The following PDE4B variants were observed in gnomAD, a reference collection of about 807,000 sequenced individuals.
The protein encoded by PDE4B is phosphodiesterase 4B, also known as 3',5'-cyclic-AMP phosphodiesterase 4B.
PDE4B carries 20 observed loss-of-function variants against 82.2 expected under a neutral mutation model. That is an observed-to-expected ratio of 0.24 (90% CI 0.17 to 0.35). The LOEUF (loss-of-function observed/expected upper bound fraction) is 0.35. PDE4B is among the 10% of genes least tolerant of loss of function. The probability of loss-of-function intolerance (pLI) is 1.00; values close to 1 mark genes in which losing one functional copy is unlikely to be tolerated. For missense variants in PDE4B, 655 were observed against 907.2 expected, an observed-to-expected ratio of 0.72 and a Z score of 3.57; for synonymous variants, 320 against 318.9, an observed-to-expected ratio of 1.00 and a Z score of -0.04.
At chr1:65,877,148 A>G (rs1378185007) in intron 1 of PDE4B, among the ~76,000 whole-genome samples, 2 of 152,168 alleles carry the variant, frequency 1.3e-5, no homozygotes, top group Non-Finnish European at 2.9e-5. Flanking sequence ...CTAACTTCAA[A>G]CTATACTACA....
chr1:66,038,757 G>A (rs950481914), intron 3 of PDE4B, among the ~76,000 whole-genome samples: 3 of 152,066 alleles, frequency 2.0e-5, no homozygotes, highest in African/African-American at 7.2e-5. Context: ...AGATTGTTGA[G>A]CGATTGGAAT....
intron 3 of PDE4B, among the ~76,000 whole-genome samples, chr1:66,022,778 T>C (rs1438185093): frequency 5.3e-5 from 8 of 152,120 alleles, no homozygotes; most frequent in Admixed American, 5.2e-4. Context: ...CTTTTTTTTG[T>C]TGTGTCTCTG....
At chr1:66,109,756 G>A (rs1392813) in intron 3 of PDE4B, among the ~76,000 whole-genome samples, 14,075 of 151,842 alleles carry the variant, frequency 0.093, 1,563 homozygotes, top group African/African-American at 0.26. Flanking sequence ...GATATATTGA[G>A]TATTGGTAGT....
chr1:65,960,039 A>G (rs564825386), intron 3 of PDE4B, among the ~76,000 whole-genome samples: 4 of 152,272 alleles, frequency 2.6e-5, no homozygotes, highest in African/African-American at 9.6e-5. Context: ...AGGCTATCTT[A>G]ACAAAATACA....
rs543548264 is a variant in PDE4B at position 65,884,127 on chromosome 1, T to G, written c.-70-29118T>G. Among the ~76,000 whole-genome samples the G allele has an allele frequency of 8.1e-3, 1,231 of 152,198 alleles. 15 individuals carry two copies. The highest frequency in any genetic ancestry group is 0.025 in the African/African-American group (1,039 of 41,520). ...ATTGGTCTAAAATTCTCTTTTTTGG[T>G]TGTGTCTCTGCCAGGCTTTGGTATC... On this transcript the variant is annotated intron_variant, in intron 1 of 16. Transcript: ENST00000341517.
At chr1:66,124,187 C>A (rs186241113) in intron 3 of PDE4B, among the ~76,000 whole-genome samples, 1 of 152,252 alleles carries the variant, frequency 6.6e-6, no homozygotes, top group Non-Finnish European at 1.5e-5. Flanking sequence ...TGGCATAATG[C>A]ATAAATGTAC....
At chr1:65,956,108 A>G (rs971371108) in intron 3 of PDE4B, among the ~76,000 whole-genome samples, 6 of 152,114 alleles carry the variant, frequency 3.9e-5, no homozygotes, top group Admixed American at 1.3e-4. Context: ...GGGCCATTCT[A>G]TACTGTCAGC....
intron 3 of PDE4B, among the ~76,000 whole-genome samples, chr1:66,106,689 T>G (rs895058960): frequency 1.8e-4 from 27 of 152,110 alleles, no homozygotes; most frequent in African/African-American, 6.0e-4. Context: ...GTTGAGAAAT[T>G]TATCCATTTC....
At chr1:65,818,478 G>A (rs962628475) in intron 1 of PDE4B, among the ~76,000 whole-genome samples, 1 of 151,882 alleles carries the variant, frequency 6.6e-6, no homozygotes, top group Non-Finnish European at 1.5e-5. Flanking sequence ...TTACCTGGCA[G>A]AGTAATCTAT....
intron 3 of PDE4B, among the ~76,000 whole-genome samples, chr1:66,066,143 T>C (rs1406435108): frequency 2.0e-5 from 3 of 151,668 alleles, no homozygotes; most frequent in Non-Finnish European, 4.4e-5. Context: ...TATTTAAAAA[T>C]AGAATATGTA....
chr1:66,155,133 A>G (rs1646477589), intron 3 of PDE4B, among the ~76,000 whole-genome samples: 1 of 152,140 alleles, frequency 6.6e-6, no homozygotes, highest in Non-Finnish European at 1.5e-5. Flanking sequence ...CTGTCTCTGG[A>G]AAAAAAGAAA....
chr1:66,208,163 C>T lies in PDE4B; in HGVS notation c.282-39297C>T, dbSNP rs140882767. Among the ~76,000 whole-genome samples the T allele has an allele frequency of 6.2e-3, 940 of 152,252 alleles. 10 individuals carry two copies. Among genetic ancestry groups the T allele is most frequent in the African/African-American group, 0.022 (896 of 41,546 alleles). On this transcript the variant is annotated intron_variant, in intron 3 of 16. Transcript: ENST00000341517. ...GTGTGCCTCTTTCAATATTTCCTGTCCTTTTCGCCACTGCTCATAAATGGT... is the reference window on the plus strand; with the variant it reads ...GTGTGCCTCTTTCAATATTTCCTGTTCTTTTCGCCACTGCTCATAAATGGT...
chr1:66,156,351 A>T (rs1240769614), intron 3 of PDE4B, among the ~76,000 whole-genome samples: 4 of 152,218 alleles, frequency 2.6e-5, no homozygotes, highest in Admixed American at 2.0e-4. Context: ...GTCATCATAA[A>T]TATTTATAAT....
intron 3 of PDE4B, among the ~76,000 whole-genome samples, chr1:66,045,056 C>T (rs983010030): frequency 1.3e-5 from 2 of 151,712 alleles, no homozygotes; most frequent in African/African-American, 4.8e-5. Flanking sequence ...TCTGCATTCT[C>T]ATTCCAACTG....
At chr1:66,056,892 C>T (rs77364281) in intron 3 of PDE4B, among the ~76,000 whole-genome samples, 5,442 of 152,222 alleles carry the variant, frequency 0.036, 308 homozygotes, top group African/African-American at 0.12. Flanking sequence ...AAACCTGTGT[C>T]ATATTTCTGA....
intron 3 of PDE4B, among the ~76,000 whole-genome samples, chr1:66,005,941 A>G (rs1359163547): frequency 6.6e-6 from 1 of 152,144 alleles, no homozygotes; most frequent in Non-Finnish European, 1.5e-5. Flanking sequence ...TACCTGCTCT[A>G]CCACCCTTAC....
chr1:66,030,831 C>A (rs969932280), intron 3 of PDE4B, among the ~76,000 whole-genome samples: 1 of 152,174 alleles, frequency 6.6e-6, no homozygotes, highest in African/African-American at 2.4e-5. Flanking sequence ...CAGCTGGAGA[C>A]CATTATCATA....
chr1:66,035,192 A>T (rs1357683954), intron 3 of PDE4B, among the ~76,000 whole-genome samples: 1 of 152,172 alleles, frequency 6.6e-6, no homozygotes, highest in Non-Finnish European at 1.5e-5. Context: ...TTTTTAATTA[A>T]TTTTTTGACA....
chr1:66,075,635 A>G (rs1656389014), intron 3 of PDE4B, among the ~76,000 whole-genome samples: 2 of 152,082 alleles, frequency 1.3e-5, no homozygotes, highest in Non-Finnish European at 2.9e-5. Context: ...GGGGCTTTCT[A>G]TATGCCCTAC....
Sources: gnomAD v4.1 joint callset for allele counts (sites outside exome capture counted in the v4.1 genomes callset) on GRCh38, gnomAD v4.1.1 for gene constraint, MANE v1.5 for transcripts, NCBI Gene and HGNC (gene_info 2026-07-23, HGNC 2026-07-21) for gene names.